The following ITGA4 variants were observed in gnomAD, a reference collection of about 807,000 sequenced individuals.
The protein encoded by ITGA4 is integrin subunit alpha 4.
A neutral mutation model predicts 133.6 loss-of-function variants in ITGA4; 63 were observed. The ratio of observed to expected loss-of-function variants is 0.47; its 90% confidence interval spans 0.38 to 0.58. The LOEUF (loss-of-function observed/expected upper bound fraction) is 0.58, where lower values mean the gene tolerates loss of function less well. ITGA4 is among the 20% of genes least tolerant of loss of function. ITGA4 has a pLI of 0.00. For missense variants in ITGA4, 1,076 were observed against 1,252.7 expected (o/e 0.86, Z 2.13); for synonymous variants, 483 against 438.0 (o/e 1.10, Z -1.28).
chr2:181,461,860 G>A (rs1254683595), intron 2 of ITGA4, among the ~76,000 whole-genome samples: 1 of 152,086 alleles, frequency 6.6e-6, no homozygotes, highest in East Asian at 1.9e-4. Context: ...TGGCTAGTCA[G>A]CGATGAGAGG....
chr2:181,468,971 T>A (rs994127723), intron 2 of ITGA4, among the ~76,000 whole-genome samples: 6 of 152,198 alleles, frequency 3.9e-5, no homozygotes, highest in Non-Finnish European at 8.8e-5. Context: ...AAAGTACTTT[T>A]TCAATTATGG....
At chr2:181,494,864 A>C (rs952322601) in intron 12 of ITGA4, 52 bp downstream of exon 12, 1 of 918,690 alleles carries the variant, frequency 1.1e-6, no homozygotes, top group Admixed American at 1.7e-5. Flanking sequence ...TCTATCATAG[A>C]TACTGCTTTA....
chr2:181,530,219 AT>A (rs750303233), intron 23 of ITGA4, among the ~76,000 whole-genome samples: 1 of 152,254 alleles, frequency 6.6e-6, no homozygotes, highest in Non-Finnish European at 1.5e-5. Flanking sequence ...TGTTTCGCCT[AT>A]AAAGGCAAAG....
chr2:181,532,642 T>C (rs1209271788), intron 25 of ITGA4, among the ~76,000 whole-genome samples: 1 of 152,192 alleles, frequency 6.6e-6, no homozygotes, highest in Non-Finnish European at 1.5e-5. Context: ...TTAAGGAGTT[T>C]TGGGGCTGAG....
intron 12 of ITGA4, 123 bp downstream of exon 12, chr2:181,494,935 T>G: frequency 1.6e-6 from 1 of 614,290 alleles, no homozygotes; most frequent in Non-Finnish European, 2.9e-6. Flanking sequence ...TTTTTCTTCA[T>G]TTTTAAAGTT....
In ITGA4 at chr2:181,520,952, CA is replaced by C. The variant is rs1456163639; in HGVS notation, c.1923-1234del. Among the ~76,000 whole-genome samples, 4 of 152,084 alleles carry C rather than the reference CA, an allele frequency of 2.6e-5. No individual in the cohort carries two copies. The East Asian group carries it at 5.8e-4, about 22-fold the overall frequency. ...ACATACTCTGTCTTTAATCAATTCA[CA>C]AAAACAACTAAATTCCTACTGTATC... is the stretch of plus-strand genomic sequence containing the variant. On this transcript the variant is annotated intron_variant, in intron 17 of 27. Transcript: ENST00000397033.
intron 2 of ITGA4, among the ~76,000 whole-genome samples, chr2:181,459,993 T>A (rs569384954): frequency 3.3e-5 from 5 of 152,198 alleles, no homozygotes; most frequent in African/African-American, 1.2e-4. Context: ...TGGGCATGTG[T>A]AGCATGGGAG....
At chr2:181,463,511 G>A (rs1216800009) in intron 2 of ITGA4, among the ~76,000 whole-genome samples, 1 of 152,122 alleles carries the variant, frequency 6.6e-6, no homozygotes, top group African/African-American at 2.4e-5. Context: ...GATTCTGAAG[G>A]TATTTAGGAG....
intron 17 of ITGA4, among the ~76,000 whole-genome samples, chr2:181,519,268 AG>A (rs1225469934): frequency 6.6e-6 from 1 of 152,136 alleles, no homozygotes; most frequent in Non-Finnish European, 1.5e-5. Flanking sequence ...AACAAAACCA[AG>A]TTATATTATT....
chr2:181,493,389 T>C lies in ITGA4; in HGVS notation c.1218T>C (p.Arg406=). The C allele has an allele frequency of 6.2e-7, 1 of 1,612,446 alleles. No homozygotes were observed. The highest frequency in any genetic ancestry group is 8.5e-7 in the Non-Finnish European group (1 of 1,178,644). ...LQGAIYIYNG[R]ADGISSTFSQ... is the part of the protein sequence containing the mutation. ...GTGCTATTTATATTTACAATGGCCG[T>C]GCAGATGGGATCTCGTCAACCTTCT... The change falls in exon 11 of 28, where the codon CGT becomes CGC. Residue 406 remains arginine, a synonymous_variant. Transcript: ENST00000397033.
At chr2:181,499,784 C>T (rs1469953070) in intron 15 of ITGA4, among the ~76,000 whole-genome samples, 1 of 151,994 alleles carries the variant, frequency 6.6e-6, no homozygotes, top group African/African-American at 2.4e-5. Flanking sequence ...TTTTTTCATG[C>T]TTCATAGATG....
rs1231845447 is a variant in ITGA4 at position 181,457,733 on chromosome 2, G to C, written c.79G>C (p.Gly27Arg). 1.2e-6 allele frequency: 2 copies of C among 1,612,956 alleles called. No individual in the cohort carries two copies. Residue 27 changes from glycine to arginine, a missense_variant, in exon 1 of 28, where the codon GGG becomes CGG. Transcript: ENST00000397033. ...GACGGTGATGCTGTTGCTGTGCCTG[G>C]GGGTCCCGACCGGCCGCCCCTACAA... ...RETVMLLLCL[G>R]VPTGRPYNVD...
rs1389569263 is a variant in ITGA4 at position 181,536,826 on chromosome 2, TTATCTGACTCTGCC to T, written c.*1301_*1314del. Reference sequence around the variant, plus strand: ...ATCTAGATAATTGCAGAATATCATTTTATCTGACTCTGCCTTCATAAGAGAGCTGTGGCCGAATT... The same window carrying T: ...ATCTAGATAATTGCAGAATATCATTTTTCATAAGAGAGCTGTGGCCGAATT... On this transcript the variant is annotated 3_prime_UTR_variant, in exon 28 of 28. Coordinates refer to ENST00000397033, the MANE Select transcript of ITGA4 (RefSeq NM_000885.6). 2 of 344,248 alleles carry T rather than the reference TTATCTGACTCTGCC, an allele frequency of 5.8e-6. No individual in the cohort carries two copies. Among genetic ancestry groups the T allele is most frequent in the East Asian group, 1.6e-4 (2 of 12,398 alleles). The allele number at this position is 344,248 out of a possible 1,614,324, so 21.3% of individuals were successfully genotyped here. A position where few individuals can be genotyped will look rare whatever the true frequency, so the allele number is the denominator to read the frequency against.
intron 15 of ITGA4, among the ~76,000 whole-genome samples, chr2:181,500,743 C>T (rs757795423): frequency 1.3e-5 from 2 of 152,084 alleles, no homozygotes; most frequent in Non-Finnish European, 2.9e-5. Context: ...TCCCTACTGG[C>T]CATTCACTCC....
intron 17 of ITGA4, among the ~76,000 whole-genome samples, chr2:181,514,072 T>C (rs914388782): frequency 3.3e-5 from 5 of 152,164 alleles, no homozygotes; most frequent in African/African-American, 1.2e-4. Context: ...GTAGAGGAAT[T>C]AGCCTTAGTT....
intron 26 of ITGA4, 29 bp from the exon 27 acceptor site, chr2:181,534,787 T>G (rs201129441): frequency 6.4e-7 from 1 of 1,555,720 alleles, no homozygotes; most frequent in Non-Finnish European, 8.7e-7. Context: ...TTTTTGGTTT[T>G]TGAGTTTTAT....
intron 17 of ITGA4, among the ~76,000 whole-genome samples, chr2:181,514,930 A>C (rs1238224343): frequency 6.6e-6 from 1 of 152,128 alleles, no homozygotes; most frequent in Non-Finnish European, 1.5e-5. Flanking sequence ...AGCCTATCAA[A>C]CCCATTATGA....
Position 181,532,463 on chromosome 2 carries a change from TC to T in ITGA4, c.2784+689del, listed in dbSNP as rs531719948. Among the ~76,000 whole-genome samples the T allele has an allele frequency of 1.3e-3, 200 of 152,268 alleles. 2 individuals are homozygous for T. The highest frequency in any genetic ancestry group is 4.5e-3 in the African/African-American group (185 of 41,542). On this transcript the variant is annotated intron_variant, in intron 25 of 27. Transcript: ENST00000397033. ...TGGTTTGTAGTGCTCCTTGAAGAGG[TC>T]CTTCACATCCCTTGTAAGTTGGATT...
Position 181,482,345 on chromosome 2 carries a change from T to A in ITGA4, c.841-15T>A, listed in dbSNP as rs2305588. 6.3e-7 allele frequency: 1 copy of A among 1,587,478 alleles called. No homozygotes were observed. Among genetic ancestry groups the A allele is most frequent in the South Asian group, 1.2e-5 (1 of 85,756 alleles). On this transcript the variant is annotated splice_polypyrimidine_tract_variant and intron_variant, in intron 7 of 27. Coordinates refer to ENST00000397033, the MANE Select transcript of ITGA4 (RefSeq NM_000885.6). Reference sequence around the variant, plus strand: ...TTATTCCTAAAAACTTTTCTAATTCTTTCCCTAATTACAGGCATATATATT... The same window carrying A: ...TTATTCCTAAAAACTTTTCTAATTCATTCCCTAATTACAGGCATATATATT...
Sources: allele counts gnomAD v4.1 joint callset (sites outside exome capture counted in the v4.1 genomes callset), GRCh38; gene constraint gnomAD v4.1.1; transcripts MANE v1.5; gene names NCBI Gene and HGNC (gene_info 2026-07-23, HGNC 2026-07-21).